The following LAMB4 variants were observed in gnomAD, a reference collection of about 807,000 sequenced individuals.
The protein encoded by LAMB4 is laminin subunit beta 4, also known as laminin subunit beta-4.
LAMB4 carries 196 observed loss-of-function variants against 199.2 expected under a neutral mutation model. That is an observed-to-expected ratio of 0.98 (90% confidence interval 0.88 to 1.11). The LOEUF (loss-of-function observed/expected upper bound fraction) is 1.11. Among genes scored for constraint, LAMB4 ranks in the 50% least tolerant of loss-of-function variants. The probability of loss-of-function intolerance (pLI) is 0.00; values close to 1 mark genes in which losing one functional copy is unlikely to be tolerated. For synonymous variants in LAMB4, 744 were observed against 770.6 expected, an observed-to-expected ratio of 0.97 and a Z score of 0.57; for missense variants, 2,080 against 2,171.2, an observed-to-expected ratio of 0.96 and a Z score of 0.83.
Position 108,055,726 on chromosome 7 carries a change from T to C in LAMB4, c.3661A>G (p.Arg1221Gly), listed in dbSNP as rs1316652662. 6.2e-7 allele frequency: 1 copy of C among 1,614,072 alleles called. No homozygotes were observed. Among genetic ancestry groups the C allele is most frequent in the African/African-American group, 1.3e-5 (1 of 74,952 alleles). The change falls in exon 25 of 34, where the codon AGA (arginine) becomes GGA (glycine). Residue 1221 changes from arginine to glycine, a missense_variant. Physicochemically the swap from Arg to Gly is moderately radical, Grantham distance 125. Transcript: ENST00000388781. Reference protein sequence around the residue: ...PVCEADFKDLRGNVSEIERIL... With the variant: ...PVCEADFKDLGGNVSEIERIL... ...CTTTCTATTTCAGACACGTTCCCTC[T>C]GAGGTCTTTGAAGTCTGCCTCACAG... is the stretch of plus-strand genomic sequence containing the variant.
At position 108,049,380 on chromosome 7, in the gene LAMB4, T is replaced by C; in HGVS notation, c.4068A>G (p.Ser1356=). 6 of 1,590,856 alleles carry C rather than the reference T, an allele frequency of 3.8e-6. No homozygotes were observed. Among genetic ancestry groups the C allele is most frequent in the Middle Eastern group, 1.7e-4 (1 of 6,000 alleles). The change falls in exon 27 of 34, where the codon TCA becomes TCG. Residue 1356 remains serine, a synonymous_variant. Coordinates refer to ENST00000388781, the MANE Select transcript of LAMB4 (RefSeq NM_007356.3). ...TCTTAATCTGCTTTAATCTTTCCAA[T>C]GACAAGTTTCCTTTTGAGGTTAGTG... is the stretch of plus-strand genomic sequence containing the variant. ...LDTLTSKGNL[S]LERLKQIKIP... is the part of the protein sequence containing the mutation.
intron 28 of LAMB4, 55 bp from the exon 29 acceptor site, chr7:108,043,951 T>C (rs954649568): frequency 1.6e-5 from 23 of 1,448,858 alleles, no homozygotes; most frequent in Non-Finnish European, 2.1e-5. Flanking sequence ...AACAAAGTCA[T>C]GTTCTTTGAT....
chr7:108,123,735 G>C (rs2038680363), intron 1 of LAMB4, among the ~76,000 whole-genome samples: 1 of 152,174 alleles, frequency 6.6e-6, no homozygotes. Flanking sequence ...ATTTTCAAAA[G>C]TATTATCACA....
At chr7:108,035,565 T>G (rs1488185368) in intron 30 of LAMB4, among the ~76,000 whole-genome samples, 1 of 143,802 alleles carries the variant, frequency 7.0e-6, no homozygotes, top group Non-Finnish European at 1.5e-5. Context: ...AAAAAAAGAT[T>G]TTCAATGTAC....
chr7:108,054,046 A>G (rs1410110967), intron 25 of LAMB4, among the ~76,000 whole-genome samples: 3 of 152,208 alleles, frequency 2.0e-5, no homozygotes, highest in Non-Finnish European at 4.4e-5. Context: ...TTTTAGAGAC[A>G]GGGTCTCATT....
intron 19 of LAMB4, 132 bp downstream of exon 19, chr7:108,067,884 A>T: frequency 9.1e-7 from 1 of 1,095,732 alleles, no homozygotes; most frequent in Non-Finnish European, 1.4e-6. Flanking sequence ...TATTTTATGT[A>T]CATAGATAGT....
chr7:108,011,810 C>T, the LAMB4 span, among the ~76,000 whole-genome samples: 3 of 151,986 alleles, frequency 2.0e-5, no homozygotes, highest in Admixed American at 6.6e-5. Context: ...AATGTATATG[C>T]TATTGGTAAA....
intron 11 of LAMB4, among the ~76,000 whole-genome samples, chr7:108,096,789 T>G (rs79278458): frequency 6.9e-6 from 1 of 145,840 alleles, no homozygotes; most frequent in African/African-American, 2.6e-5. Context: ...AAAAAAAAAT[T>G]AGATGGCTGT....
chr7:108,119,931 A>G (rs184487220), intron 2 of LAMB4, among the ~76,000 whole-genome samples: 111 of 152,312 alleles, frequency 7.3e-4, no homozygotes, highest in African/African-American at 2.6e-3. Context: ...GTGACCTTAC[A>G]ATTATTTCAA....
In LAMB4 at chr7:108,046,880, A is replaced by G. The variant is rs1584625192; in HGVS notation, c.4326+1028T>C. ...TTATTCTTTGCTTTGAGAGATCTATAGTTTTCAACCCTTTTAAAAATTAAT... is the reference window on the plus strand; with the variant it reads ...TTATTCTTTGCTTTGAGAGATCTATGGTTTTCAACCCTTTTAAAAATTAAT... On this transcript the variant is annotated intron_variant, in intron 28 of 33. Coordinates refer to ENST00000388781, the MANE Select transcript of LAMB4 (RefSeq NM_007356.3). Among the ~76,000 whole-genome samples, 5 of 151,788 alleles carry G rather than the reference A, an allele frequency of 3.3e-5. No individual in the cohort carries two copies. In the South Asian group the frequency reaches 1.0e-3, roughly 32 times the overall value.
In LAMB4 at chr7:108,069,821, T is replaced by G; in HGVS notation, c.2189A>C (p.Tyr730Ser). ...AATTTCAACACAGTTGTGAAGCTGA[T>G]ACTCATCTAAGTCCTGCTTGCTGCA... Reference protein sequence around the residue: ...NFCSKQDLDEYQLHNCVEIAS... With the variant: ...NFCSKQDLDESQLHNCVEIAS... The change falls in exon 18 of 34, where the codon TAT becomes TCT. Residue 730 changes from tyrosine to serine, a missense_variant. By Grantham distance (144) the Tyr-to-Ser change is moderately radical (BLOSUM62 -2). Transcript: ENST00000388781. The G allele has an allele frequency of 6.2e-7, 1 of 1,614,106 alleles. No homozygotes were observed. The highest frequency in any genetic ancestry group is 8.5e-7 in the Non-Finnish European group (1 of 1,179,924).
chr7:108,121,448 AG>A (rs1056013996), intron 2 of LAMB4, among the ~76,000 whole-genome samples: 1 of 152,172 alleles, frequency 6.6e-6, no homozygotes, highest in Non-Finnish European at 1.5e-5. Flanking sequence ...ATAATGGGTG[AG>A]AAAAAATACC....
intron 14 of LAMB4, among the ~76,000 whole-genome samples, chr7:108,081,384 TGTATGCCCC>T (rs1563074607): frequency 1.3e-5 from 2 of 152,224 alleles, no homozygotes; most frequent in Non-Finnish European, 2.9e-5. Flanking sequence ...TTGCCTCCAG[TGTATGCCCC>T]TGAGCTCCTC....
At position 108,049,349 on chromosome 7, in the gene LAMB4, C is replaced by G. The variant is rs1373039448; in HGVS notation, c.4099G>C (p.Asp1367His). 6.4e-7 allele frequency: 1 copy of G among 1,570,712 alleles called. No homozygotes were observed. The highest frequency in any genetic ancestry group is 8.7e-7 in the Non-Finnish European group (1 of 1,144,702). Residue 1367 changes from aspartate to histidine, a missense_variant, in exon 27 of 34, where the codon GAT (aspartate) becomes CAT (histidine). Asp to His is a moderately conservative substitution (Grantham distance 81). Transcript: ENST00000388781. ...ACCTTTTCATTCAATATTTGGATAT[C>G]TGGTATCTTAATCTGCTTTAATCTT... ...LERLKQIKIP[D>H]IQILNEKVCG...
chr7:108,098,952 A>C (rs1238779970), intron 10 of LAMB4, among the ~76,000 whole-genome samples: 1 of 152,218 alleles, frequency 6.6e-6, no homozygotes, highest in Non-Finnish European at 1.5e-5. Flanking sequence ...TGTGCTGGTG[A>C]ACTGTTGTTC....
chr7:108,012,753 A>G, the LAMB4 span, among the ~76,000 whole-genome samples: 2 of 152,242 alleles, frequency 1.3e-5, no homozygotes, highest in Admixed American at 1.3e-4. Context: ...CCCTTATATA[A>G]TCTCTCTTTT....
chr7:108,013,191 T>C, the LAMB4 span, among the ~76,000 whole-genome samples: 2 of 152,232 alleles, frequency 1.3e-5, no homozygotes, highest in African/African-American at 4.8e-5. Context: ...CTTGAGAGCA[T>C]CTTAGTTTTC....
At position 108,111,873 on chromosome 7, in the gene LAMB4, A is replaced by T. The variant is rs142993997; in HGVS notation, c.266T>A (p.Ile89Asn). 1.6e-5 allele frequency: 25 copies of T among 1,611,782 alleles called. No individual in the cohort carries two copies. Among genetic ancestry groups the T allele is most frequent in the Non-Finnish European group, 2.0e-5 (24 of 1,178,952 alleles). ...TTCAAAACTTACAATGACATTCTCA[A>T]TGGTGTGGCTGTTGGGTTGGTCATA... ...DPYDQPNSHT[I>N]ENVIVSFEPD... The change falls in exon 4 of 34, where the codon ATT (isoleucine) becomes AAT (asparagine). Residue 89 changes from isoleucine (I) to asparagine (N), a missense_variant. Ile to Asn is a moderately radical substitution (Grantham distance 149). Coordinates refer to ENST00000388781, the MANE Select transcript of LAMB4 (RefSeq NM_007356.3).
In LAMB4 at chr7:108,023,777, A is replaced by T; in HGVS notation, c.*262T>A. 1 of 258,076 alleles carries T rather than the reference A, an allele frequency of 3.9e-6. No individual in the cohort carries two copies. Among genetic ancestry groups the T allele is most frequent in the South Asian group, 1.6e-4 (1 of 6,384 alleles). 16.0% of individuals were successfully genotyped at this position (258,076 alleles called of 1,614,324 possible). On this transcript the variant is annotated 3_prime_UTR_variant, in exon 34 of 34. Transcript: ENST00000388781. ...TGTTATATGGAAACTGTTATTTTTAAGTTAGGAAAGAGAAAGGAAGGTAAG... is the reference window on the plus strand; with the variant it reads ...TGTTATATGGAAACTGTTATTTTTATGTTAGGAAAGAGAAAGGAAGGTAAG...
Sources: allele counts gnomAD v4.1 joint callset (sites outside exome capture counted in the v4.1 genomes callset), GRCh38; gene constraint gnomAD v4.1.1; transcripts MANE v1.5; gene names NCBI Gene and HGNC (gene_info 2026-07-23, HGNC 2026-07-21).